TMEM132D: variants seen among roughly 807,000 people sequenced by gnomAD.
TMEM132D encodes the protein mature OL transmembrane protein.
In TMEM132D, 21 loss-of-function variants were observed where a neutral mutation model predicts 62.3. The ratio of observed to expected loss-of-function variants is 0.34; its 90% CI spans 0.24 to 0.49. TMEM132D has a LOEUF of 0.49. Ranked by LOEUF, TMEM132D falls within the 20% of genes least tolerant of loss-of-function variation. The pLI, the probability that TMEM132D is intolerant of heterozygous loss-of-function variation, is 0.99. For missense variants in TMEM132D, 1,346 were observed against 1,402.8 expected, an observed-to-expected ratio of 0.96 and a Z score of 0.65; for synonymous variants, 621 against 575.6, an observed-to-expected ratio of 1.08 and a Z score of -1.13.
chr12:129,236,387 C>T (rs138723964), intron 4 of TMEM132D, among the ~76,000 whole-genome samples: 8 of 151,256 alleles, frequency 5.3e-5, no homozygotes, highest in African/African-American at 1.9e-4. Context: ...TGGTGGCGTG[C>T]GCCTGTGATC....
chr12:129,321,626 A>G lies in TMEM132D; in HGVS notation c.1299+16008T>C, dbSNP rs533913210. 3.2e-4 allele frequency among the ~76,000 whole-genome samples: 48 copies of G among 151,216 alleles called. 1 individual carries two copies. In the South Asian group the frequency reaches 5.2e-3, roughly 16 times the overall value. ...GGCTGGAGTGCAGTGGCGCGATCTCAGCTCACTGCAAGCTCCACCTCCCAG... is the reference window on the plus strand; with the variant it reads ...GGCTGGAGTGCAGTGGCGCGATCTCGGCTCACTGCAAGCTCCACCTCCCAG... On this transcript the variant is annotated intron_variant, in intron 4 of 8. Transcript: ENST00000422113.
intron 1 of TMEM132D, among the ~76,000 whole-genome samples, chr12:129,825,294 C>T (rs918509309): frequency 6.6e-6 from 1 of 151,998 alleles, no homozygotes; most frequent in Non-Finnish European, 1.5e-5. Flanking sequence ...GCTGGGATTA[C>T]AGGCGTGAGC....
intron 1 of TMEM132D, among the ~76,000 whole-genome samples, chr12:129,818,084 T>C (rs1872416596): frequency 6.8e-6 from 1 of 146,722 alleles, no homozygotes; most frequent in Non-Finnish European, 1.5e-5. Context: ...GTGTGTGTGG[T>C]GTGGGGTGTG....
intron 1 of TMEM132D, among the ~76,000 whole-genome samples, chr12:129,732,804 G>C (rs1341956175): frequency 6.6e-6 from 1 of 152,180 alleles, no homozygotes; most frequent in Non-Finnish European, 1.5e-5. Context: ...TTACAGCATG[G>C]GAATCTGGGG....
intron 1 of TMEM132D, among the ~76,000 whole-genome samples, chr12:129,754,149 C>T (rs997937699): frequency 1.3e-5 from 2 of 152,190 alleles, no homozygotes; most frequent in African/African-American, 4.8e-5. Flanking sequence ...AAAGTAGGTG[C>T]TGGCAACAGC....
At chr12:129,352,285 A>G (rs906795834) in intron 3 of TMEM132D, among the ~76,000 whole-genome samples, 2 of 152,222 alleles carry the variant, frequency 1.3e-5, no homozygotes, top group African/African-American at 2.4e-5. Context: ...TGCAAAATAT[A>G]GTAATAAGAA....
intron 1 of TMEM132D, among the ~76,000 whole-genome samples, chr12:129,790,736 C>CG (rs1412634406): frequency 6.6e-6 from 1 of 152,124 alleles, no homozygotes; most frequent in Non-Finnish European, 1.5e-5. Flanking sequence ...GCTTGAGGGT[C>CG]GGGCCCTCAC....
At chr12:129,791,360 T>C (rs1190081391) in intron 1 of TMEM132D, among the ~76,000 whole-genome samples, 2 of 152,240 alleles carry the variant, frequency 1.3e-5, no homozygotes, top group African/African-American at 2.4e-5. Context: ...AATGGACCTC[T>C]AACAATTTTG....
chr12:129,082,002 ATCC>A lies in TMEM132D; in HGVS notation c.1677_1679del (p.Glu559del), dbSNP rs751625287. On this transcript the variant is annotated inframe_deletion, in exon 7 of 9. Coordinates refer to ENST00000422113, the MANE Select transcript of TMEM132D (RefSeq NM_133448.3). ...TGCAGCCGCGGCCCCTCCGCTCATCATCCTCCTCCTCTTCACTGTCCCCGGCAG... is the reference window on the plus strand; with the variant it reads ...TGCAGCCGCGGCCCCTCCGCTCATCATCCTCCTCTTCACTGTCCCCGGCAG... 2.9e-5 allele frequency: 47 copies of A among 1,611,312 alleles called. No individual in the cohort carries two copies. The highest frequency in any genetic ancestry group is 2.9e-4 in the East Asian group (13 of 44,792).
chr12:129,615,844 AT>A (rs1433742161), intron 2 of TMEM132D, among the ~76,000 whole-genome samples: 1 of 151,398 alleles, frequency 6.6e-6, no homozygotes, highest in African/African-American at 2.4e-5. Context: ...ATAAAATAAA[AT>A]AAGATAGCTG....
chr12:129,352,451 T>TTTC (rs71079298), intron 3 of TMEM132D, among the ~76,000 whole-genome samples: 27,755 of 147,928 alleles, frequency 0.19, 2,865 homozygotes, highest in Non-Finnish European at 0.2. Context: ...TTTTTTTTTT[T>TTTC]CTAGCATCAG....
chr12:129,898,488 C>T (rs1400659046), intron 1 of TMEM132D, among the ~76,000 whole-genome samples: 1 of 152,158 alleles, frequency 6.6e-6, no homozygotes, highest in African/African-American at 2.4e-5. Context: ...ATGTTGGTTA[C>T]TTTATTTGGA....
In TMEM132D at chr12:129,551,219, C is replaced by T. The variant is rs2137105860; in HGVS notation, c.969-20014G>A. Among the ~76,000 whole-genome samples, 2 of 152,364 alleles carry T rather than the reference C, an allele frequency of 1.3e-5. 1 individual carries two copies. The highest frequency in any genetic ancestry group is 4.1e-4 in the South Asian group (2 of 4,828). ...AGGCATCTACTAACTTTTGTCCTTC[C>T]AAGTTCCTGACCCACGGAATCCAGG... On this transcript the variant is annotated intron_variant, in intron 2 of 8. Coordinates refer to ENST00000422113, the MANE Select transcript of TMEM132D (RefSeq NM_133448.3).
chr12:129,315,616 A>G (rs1488895798), intron 4 of TMEM132D, among the ~76,000 whole-genome samples: 1 of 151,984 alleles, frequency 6.6e-6, no homozygotes, highest in East Asian at 1.9e-4. Context: ...TTTTTTGGTT[A>G]TGTCCTTTCC....
intron 1 of TMEM132D, among the ~76,000 whole-genome samples, chr12:129,793,073 C>CTT (rs34199090): frequency 2.3e-4 from 33 of 141,062 alleles, no homozygotes; most frequent in South Asian, 1.4e-3. Context: ...GCTTTTTATT[C>CTT]TTTTTTTTTT....
chr12:129,594,121 T>C (rs906210866), intron 2 of TMEM132D, among the ~76,000 whole-genome samples: 1 of 152,176 alleles, frequency 6.6e-6, no homozygotes, highest in Admixed American at 6.5e-5. Context: ...GGAGGGTACA[T>C]GAAGCAAACA....
intron 4 of TMEM132D, among the ~76,000 whole-genome samples, chr12:129,328,617 C>T (rs1254143538): frequency 6.6e-6 from 1 of 152,212 alleles, no homozygotes; most frequent in African/African-American, 2.4e-5. Context: ...AAGGCAGTGG[C>T]TTTGTGCATA....
intron 3 of TMEM132D, among the ~76,000 whole-genome samples, chr12:129,450,902 C>G (rs1380690453): frequency 2.4e-4 from 1 of 4,088 alleles, no homozygotes; most frequent in Admixed American, 5.3e-3. Context: ...ATTACAGGTG[C>G]CTGCCACCAC....
chr12:129,257,484 C>T (rs1042483292), intron 4 of TMEM132D, among the ~76,000 whole-genome samples: 2 of 152,200 alleles, frequency 1.3e-5, no homozygotes, highest in Non-Finnish European at 2.9e-5. Flanking sequence ...GCTGGGATTA[C>T]AGGCGTGAGC....
Sources: allele counts gnomAD v4.1 joint callset (sites outside exome capture counted in the v4.1 genomes callset), GRCh38; gene constraint gnomAD v4.1.1; transcripts MANE v1.5; gene names NCBI Gene and HGNC (gene_info 2026-07-23, HGNC 2026-07-21).